OPHN1: variants seen among roughly 807,000 people sequenced by gnomAD.
OPHN1 encodes oligophrenin-1.
OPHN1 carries 11 observed loss-of-function variants against 60.7 expected under a neutral mutation model. That is an observed-to-expected ratio of 0.18 (90% CI 0.11 to 0.30). The LOEUF (loss-of-function observed/expected upper bound fraction) is 0.30, where lower values mean the gene tolerates loss of function less well. Ranked by LOEUF, OPHN1 falls within the 10% of genes least tolerant of loss-of-function variation. The pLI is 1.00. For missense variants in OPHN1, 449 were observed against 611.0 expected (o/e 0.73, Z 2.80); for synonymous variants, 226 against 222.6 (o/e 1.02, Z -0.14).
intron 2 of OPHN1, among the ~76,000 whole-genome samples, chrX:68,360,707 C>T (rs1177659715): frequency 2.7e-5 from 3 of 110,719 alleles, no homozygotes; most frequent in Non-Finnish European, 3.8e-5. Context: ...GTCTTGAGCC[C>T]GGGAGGTGGG....
chrX:68,402,847 ACT>A (rs1471395135), intron 2 of OPHN1, among the ~76,000 whole-genome samples: 5 of 111,671 alleles, frequency 4.5e-5, no homozygotes, highest in African/African-American at 1.6e-4. Flanking sequence ...AGTCAACTAA[ACT>A]CTAGGGAGAT....
chrX:68,066,334 G>T (rs936296704), intron 20 of OPHN1, among the ~76,000 whole-genome samples: 8 of 111,679 alleles, frequency 7.2e-5, no homozygotes, highest in African/African-American at 2.3e-4. Flanking sequence ...GGTTGCCTGT[G>T]CCCTACAGGC....
At chrX:68,300,056 C>A (rs2078112860) in intron 2 of OPHN1, among the ~76,000 whole-genome samples, 1 of 112,005 alleles carries the variant, frequency 8.9e-6, no homozygotes, top group East Asian at 2.8e-4. Context: ...AACTTTGAGG[C>A]ACACTGATCT....
intron 6 of OPHN1, among the ~76,000 whole-genome samples, chrX:68,225,868 G>A (rs2077688699): frequency 8.9e-6 from 1 of 112,354 alleles, no homozygotes; most frequent in South Asian, 3.7e-4. Flanking sequence ...AAAGCTGCAT[G>A]GAGAATGACT....
intron 11 of OPHN1, 77 bp downstream of exon 11, chrX:68,201,542 G>A (rs1181872890): frequency 1.5e-5 from 12 of 798,224 alleles, no homozygotes; most frequent in African/African-American, 8.2e-5. Flanking sequence ...GTGGGATGAC[G>A]GAGGAAAATA....
At chrX:68,159,589 A>G (rs1011050616) in intron 15 of OPHN1, among the ~76,000 whole-genome samples, 1 of 112,037 alleles carries the variant, frequency 8.9e-6, no homozygotes, top group Non-Finnish European at 1.9e-5. Flanking sequence ...AAAGACAAAA[A>G]AACTATCAAA....
At chrX:68,258,465 C>T (rs1602276112) in intron 5 of OPHN1, among the ~76,000 whole-genome samples, 5 of 90,330 alleles carry the variant, frequency 5.5e-5, no homozygotes, top group Admixed American at 1.3e-4. Flanking sequence ...TTCCTGTGTC[C>T]GTGTGTTCTC....
chrX:68,312,252 A>T (rs941442899), intron 2 of OPHN1, among the ~76,000 whole-genome samples: 5 of 69,828 alleles, frequency 7.2e-5, no homozygotes, highest in Non-Finnish European at 1.3e-4. Flanking sequence ...GGCTCGGCTA[A>T]TTTTTTTTTT....
intron 15 of OPHN1, among the ~76,000 whole-genome samples, chrX:68,190,810 C>T (rs1395710372): frequency 8.9e-6 from 1 of 112,366 alleles, no homozygotes; most frequent in Non-Finnish European, 1.9e-5. Context: ...ACCACGATGT[C>T]AGCTGATTTA....
At chrX:68,313,372 A>G (rs981470314) in intron 2 of OPHN1, among the ~76,000 whole-genome samples, 12 of 111,939 alleles carry the variant, frequency 1.1e-4, no homozygotes, top group Non-Finnish European at 1.9e-4. Context: ...CTACACTCCC[A>G]TGTTTCTTAT....
At chrX:68,164,895 C>T (rs1403815078) in intron 15 of OPHN1, among the ~76,000 whole-genome samples, 1 of 112,487 alleles carries the variant, frequency 8.9e-6, no homozygotes, top group African/African-American at 3.2e-5. Context: ...CAACATGCAT[C>T]TACATTAGCA....
intron 15 of OPHN1, among the ~76,000 whole-genome samples, chrX:68,135,846 T>G (rs2077216866): frequency 2.7e-5 from 3 of 111,784 alleles, no homozygotes; most frequent in Admixed American, 9.5e-5. Context: ...GGAGTATGCT[T>G]GGAGAGAAAG....
chrX:68,091,385 A>C (rs1320841267), intron 19 of OPHN1, among the ~76,000 whole-genome samples: 2 of 111,023 alleles, frequency 1.8e-5, no homozygotes, highest in African/African-American at 6.6e-5. Flanking sequence ...TGAGAAAATG[A>C]GTTTGCAAAG....
At chrX:68,240,732 T>A (rs1473507764) in intron 5 of OPHN1, among the ~76,000 whole-genome samples, 1 of 112,030 alleles carries the variant, frequency 8.9e-6, no homozygotes, top group Non-Finnish European at 1.9e-5. Flanking sequence ...TTAATTTATT[T>A]CACTTCTGCC....
intron 6 of OPHN1, among the ~76,000 whole-genome samples, chrX:68,221,875 C>G (rs1202375082): frequency 1.1e-5 from 1 of 87,955 alleles, no homozygotes; most frequent in Admixed American, 1.4e-4. Flanking sequence ...TGGGCAAGGA[C>G]TTCATGTCTA....
chrX:68,406,554 G>A (rs1166488982), intron 2 of OPHN1, among the ~76,000 whole-genome samples: 1 of 110,844 alleles, frequency 9.0e-6, no homozygotes, highest in African/African-American at 3.3e-5. Flanking sequence ...GGAGGTTGCA[G>A]TGAGCCAAGA....
intron 5 of OPHN1, among the ~76,000 whole-genome samples, chrX:68,271,963 C>T (rs2147590094): frequency 9.9e-6 from 1 of 100,603 alleles, no homozygotes; most frequent in Admixed American, 1.1e-4. Context: ...CCTCCCCACC[C>T]TGCCCCAACC....
intron 9 of OPHN1, among the ~76,000 whole-genome samples, chrX:68,207,967 TG>T (rs2077567004): frequency 9.0e-6 from 1 of 111,578 alleles, no homozygotes; most frequent in African/African-American, 3.2e-5. Context: ...GGTATATACC[TG>T]GAATTCCCTT....
intron 19 of OPHN1, among the ~76,000 whole-genome samples, chrX:68,094,517 CTTT>C (rs1323711079): frequency 9.0e-6 from 1 of 111,634 alleles, no homozygotes; most frequent in Non-Finnish European, 1.9e-5. Flanking sequence ...GAATTGACAT[CTTT>C]ATCATGTTGA....
Sources: gnomAD v4.1 joint callset for allele counts (sites outside exome capture counted in the v4.1 genomes callset) on GRCh38, gnomAD v4.1.1 for gene constraint, MANE v1.5 for transcripts, NCBI Gene and HGNC (gene_info 2026-07-23, HGNC 2026-07-21) for gene names.